The following EPHA7 variants were observed in gnomAD, a reference collection of about 807,000 sequenced individuals.
EPHA7 encodes ephrin type-A receptor 7.
EPHA7 carries 25 observed loss-of-function variants against 112.6 expected under a neutral mutation model. That is an observed-to-expected ratio of 0.22 (90% CI 0.16 to 0.31). The LOEUF is 0.31. Among genes scored for constraint, EPHA7 ranks in the 10% least tolerant of loss-of-function variants. The pLI is 1.00. For synonymous variants in EPHA7, 437 were observed against 406.5 expected, an observed-to-expected ratio of 1.07 and a Z score of -0.90; for missense variants, 962 against 1,212.6, an observed-to-expected ratio of 0.79 and a Z score of 3.07.
intron 7 of EPHA7, among the ~76,000 whole-genome samples, chr6:93,267,721 G>T (rs543026764): frequency 2.0e-5 from 3 of 151,638 alleles, no homozygotes; most frequent in East Asian, 3.9e-4. Flanking sequence ...CTGAGTCTTG[G>T]TTACTTCTTT....
intron 5 of EPHA7, among the ~76,000 whole-genome samples, chr6:93,277,160 A>G (rs572667601): frequency 6.6e-6 from 1 of 152,168 alleles, no homozygotes; most frequent in Non-Finnish European, 1.5e-5. Flanking sequence ...ATTTTTAGCA[A>G]TCCTTGAAAT....
chr6:93,415,701 C>A (rs1779188111), intron 1 of EPHA7, among the ~76,000 whole-genome samples: 1 of 152,014 alleles, frequency 6.6e-6, no homozygotes, highest in Admixed American at 6.6e-5. Flanking sequence ...ATTTATCTGA[C>A]TCTACACCAT....
intron 5 of EPHA7, among the ~76,000 whole-genome samples, chr6:93,340,873 G>T (rs1266106467): frequency 6.6e-6 from 1 of 151,800 alleles, no homozygotes; most frequent in Non-Finnish European, 1.5e-5. Flanking sequence ...GTGTAAAGTT[G>T]GTTTTTATAG....
At chr6:93,387,468 C>T (rs1473187353) in intron 3 of EPHA7, among the ~76,000 whole-genome samples, 2 of 152,114 alleles carry the variant, frequency 1.3e-5, no homozygotes, top group Non-Finnish European at 2.9e-5. Flanking sequence ...TTGTTCAAAC[C>T]TCTGCCTGTT....
intron 5 of EPHA7, among the ~76,000 whole-genome samples, chr6:93,343,024 C>T (rs540179520): frequency 8.6e-5 from 13 of 151,768 alleles, no homozygotes; most frequent in African/African-American, 3.1e-4. Context: ...ATAACCTAAG[C>T]ATAAAAGTTG....
chr6:93,275,492 A>T (rs1244326903), intron 5 of EPHA7, among the ~76,000 whole-genome samples: 1 of 151,972 alleles, frequency 6.6e-6, no homozygotes, highest in Non-Finnish European at 1.5e-5. Context: ...GCCCTTAAAG[A>T]TCTTCAAGTC....
intron 3 of EPHA7, among the ~76,000 whole-genome samples, chr6:93,388,869 G>A (rs1777763546): frequency 6.6e-6 from 1 of 151,942 alleles, no homozygotes; most frequent in African/African-American, 2.4e-5. Flanking sequence ...ACTATGGGAG[G>A]AAATGATATA....
chr6:93,324,662 G>A (rs982978686), intron 5 of EPHA7, among the ~76,000 whole-genome samples: 1 of 151,378 alleles, frequency 6.6e-6, no homozygotes, highest in Non-Finnish European at 1.5e-5. Context: ...AGCAAGTAGG[G>A]GAATTCCATT....
intron 3 of EPHA7, among the ~76,000 whole-genome samples, chr6:93,390,774 G>A (rs538195817): frequency 3.3e-5 from 5 of 151,948 alleles, no homozygotes; most frequent in African/African-American, 1.2e-4. Flanking sequence ...TTGCTGGATT[G>A]TTAACATTAT....
intron 5 of EPHA7, among the ~76,000 whole-genome samples, chr6:93,342,415 A>T (rs1478590530): frequency 1.3e-5 from 2 of 151,876 alleles, no homozygotes; most frequent in African/African-American, 4.8e-5. Context: ...GGCAGCTTTC[A>T]GAAGAGAGTA....
intron 5 of EPHA7, among the ~76,000 whole-genome samples, chr6:93,295,002 T>A (rs1390887170): frequency 6.6e-6 from 1 of 151,802 alleles, no homozygotes; most frequent in African/African-American, 2.4e-5. Context: ...GTGTGTTTAC[T>A]TTTTGAAACT....
At chr6:93,291,768 A>AAAAAAAC (rs1772391503) in intron 5 of EPHA7, among the ~76,000 whole-genome samples, 1 of 18,336 alleles carries the variant, frequency 5.5e-5, no homozygotes, top group Non-Finnish European at 1.6e-4. Context: ...ACTCCGTCTC[A>AAAAAAAC]AAAAAAAAAA....
chr6:93,353,307 G>T (rs1230137158), intron 5 of EPHA7, among the ~76,000 whole-genome samples: 1 of 152,034 alleles, frequency 6.6e-6, no homozygotes. Context: ...CAGCCAGCTT[G>T]TGTATGGCAT....
At chr6:93,296,760 T>C (rs574189113) in intron 5 of EPHA7, among the ~76,000 whole-genome samples, 5 of 151,970 alleles carry the variant, frequency 3.3e-5, no homozygotes, top group African/African-American at 1.2e-4. Flanking sequence ...GATACATACT[T>C]ACATACATTG....
At chr6:93,263,960 T>C (rs772688325) in intron 8 of EPHA7, 45 bp from the exon 9 acceptor site, 3 of 1,489,162 alleles carry the variant, frequency 2.0e-6, no homozygotes, top group Non-Finnish European at 2.8e-6. Flanking sequence ...TTTTACTTTA[T>C]ATATTTAATA....
intron 3 of EPHA7, 45 bp from the exon 4 acceptor site, chr6:93,358,456 C>A (rs748333019): frequency 4.0e-6 from 6 of 1,493,674 alleles, no homozygotes; most frequent in Non-Finnish European, 3.6e-6. Context: ...GAGAGCAAAT[C>A]GATCTTTAAA....
intron 11 of EPHA7, 74 bp downstream of exon 11, chr6:93,258,025 T>C: frequency 7.3e-7 from 1 of 1,363,668 alleles, no homozygotes; most frequent in Admixed American, 2.0e-5. Context: ...ATAATTTGTT[T>C]TATTGTGTAC....
At chr6:93,323,070 C>T (rs1774155276) in intron 5 of EPHA7, among the ~76,000 whole-genome samples, 1 of 151,502 alleles carries the variant, frequency 6.6e-6, no homozygotes, top group Non-Finnish European at 1.5e-5. Context: ...TGCTCAATTG[C>T]TTTCAATTAA....
At chr6:93,386,289 T>C (rs894200633) in intron 3 of EPHA7, among the ~76,000 whole-genome samples, 1 of 152,022 alleles carries the variant, frequency 6.6e-6, no homozygotes, top group Non-Finnish European at 1.5e-5. Context: ...TTAGATACAA[T>C]GGGGGTACAG....
Sources: allele counts gnomAD v4.1 joint callset (sites outside exome capture counted in the v4.1 genomes callset), GRCh38; gene constraint gnomAD v4.1.1; transcripts MANE v1.5; gene names NCBI Gene and HGNC (gene_info 2026-07-23, HGNC 2026-07-21).